Variants in DIP2C observed in about 807,000 individuals in gnomAD.
The protein encoded by DIP2C is DIP2 acetate--CoA ligase C (putative), also known as disco-interacting protein 2 homolog C.
In DIP2C, 33 loss-of-function variants were observed where a neutral mutation model predicts 192.4. The ratio of observed to expected loss-of-function variants is 0.17; its 90% CI spans 0.13 to 0.23. DIP2C has a LOEUF of 0.23. DIP2C is among the 10% of genes least tolerant of loss of function. The probability of loss-of-function intolerance (pLI) is 1.00; values close to 1 mark genes in which losing one functional copy is unlikely to be tolerated. For missense variants in DIP2C, 1,537 were observed against 2,110.1 expected (o/e 0.73, Z 5.32); for synonymous variants, 979 against 864.1 (o/e 1.13, Z -2.33).
intron 14 of DIP2C, 112 bp downstream of exon 14, chr10:387,633 A>C: frequency 1.5e-6 from 1 of 669,622 alleles, no homozygotes. Context: ...CAGTGTGGGG[A>C]GGGGACTCCT....
intron 29 of DIP2C, among the ~76,000 whole-genome samples, chr10:337,130 C>CTGTGTGTGTGTG (rs138944577): frequency 2.4e-5 from 2 of 83,058 alleles, no homozygotes; most frequent in Non-Finnish European, 4.2e-5. Flanking sequence ...GCCTAGGCAG[C>CTGTGTGTGTGTG]TGTGTGTGTG....
chr10:617,668 C>CACCCCT, intron 1 of DIP2C, among the ~76,000 whole-genome samples: 1 of 151,510 alleles, frequency 6.6e-6, no homozygotes, highest in Admixed American at 6.6e-5. Context: ...CCCCCACCCC[C>CACCCCT]ACCCCTGCTT....
At chr10:593,231 G>T (rs1221519902) in intron 1 of DIP2C, among the ~76,000 whole-genome samples, 1 of 152,000 alleles carries the variant, frequency 6.6e-6, no homozygotes, top group Non-Finnish European at 1.5e-5. Flanking sequence ...CCCCCGGGGT[G>T]GTCTCATCGT....
At chr10:349,156 CTG>C (rs1315294464) in intron 25 of DIP2C, among the ~76,000 whole-genome samples, 173 bp downstream of exon 25, 1 of 152,250 alleles carries the variant, frequency 6.6e-6, no homozygotes, top group Non-Finnish European at 1.5e-5. Context: ...CGGCTGGTGC[CTG>C]TGAGTGGTCG....
chr10:351,377 C>T (rs181088429), intron 24 of DIP2C, among the ~76,000 whole-genome samples: 23 of 152,284 alleles, frequency 1.5e-4, no homozygotes, highest in South Asian at 1.0e-3. Flanking sequence ...AGCCGATGAG[C>T]GCAGCGAGGT....
intron 30 of DIP2C, among the ~76,000 whole-genome samples, chr10:328,167 A>G (rs1473867861): frequency 6.6e-6 from 1 of 152,226 alleles, no homozygotes; most frequent in Non-Finnish European, 1.5e-5. Context: ...TGGCTTTGAC[A>G]TTCGTGCTCA....
At chr10:553,336 A>C (rs1848677875) in intron 1 of DIP2C, among the ~76,000 whole-genome samples, 1 of 152,136 alleles carries the variant, frequency 6.6e-6, no homozygotes, top group Non-Finnish European at 1.5e-5. Context: ...GCGCCTGGTC[A>C]CTCAAGAAGG....
At chr10:673,317 C>T (rs1221783108) in intron 1 of DIP2C, among the ~76,000 whole-genome samples, 3 of 152,216 alleles carry the variant, frequency 2.0e-5, no homozygotes, top group Non-Finnish European at 4.4e-5. Flanking sequence ...AACCCAGTCT[C>T]CTCATCTGTA....
intron 1 of DIP2C, among the ~76,000 whole-genome samples, chr10:596,146 G>A (rs897919342): frequency 4.6e-5 from 7 of 152,104 alleles, no homozygotes; most frequent in African/African-American, 1.4e-4. Flanking sequence ...AAAGCTGAAA[G>A]GTCACAGATA....
At chr10:598,973 T>C (rs955672332) in intron 1 of DIP2C, among the ~76,000 whole-genome samples, 1 of 152,228 alleles carries the variant, frequency 6.6e-6, no homozygotes, top group Non-Finnish European at 1.5e-5. Flanking sequence ...CATCGAGCCT[T>C]TGAGGCACAG....
intron 10 of DIP2C, among the ~76,000 whole-genome samples, chr10:391,769 C>T (rs1471534001): frequency 6.6e-6 from 1 of 152,192 alleles, no homozygotes; most frequent in East Asian, 1.9e-4. Flanking sequence ...ATTATGGACC[C>T]TACAAGGCCT....
chr10:643,549 C>G (rs1054777383), intron 1 of DIP2C, among the ~76,000 whole-genome samples: 1 of 152,148 alleles, frequency 6.6e-6, no homozygotes, highest in Non-Finnish European at 1.5e-5. Context: ...CACAGAAGCC[C>G]GTGGAACAAG....
intron 32 of DIP2C, among the ~76,000 whole-genome samples, chr10:308,680 C>T (rs899854162): frequency 1.3e-5 from 2 of 152,230 alleles, no homozygotes; most frequent in African/African-American, 4.8e-5. Context: ...TGGGGGCAGG[C>T]GTTGCCTCTG....
chr10:339,881 A>G (rs1733497940), intron 29 of DIP2C, among the ~76,000 whole-genome samples: 1 of 152,244 alleles, frequency 6.6e-6, no homozygotes, highest in African/African-American at 2.4e-5. Flanking sequence ...CACATTAAAA[A>G]TATTTGTTCC....
intron 29 of DIP2C, among the ~76,000 whole-genome samples, chr10:336,895 G>GCTGT (rs1554822383): frequency 1.1e-5 from 1 of 91,766 alleles, no homozygotes; most frequent in African/African-American, 3.4e-5. Context: ...GGCCTAGGCA[G>GCTGT]GTGTGTGTGT....
chr10:625,613 C>A (rs1187608702), intron 1 of DIP2C, among the ~76,000 whole-genome samples: 1 of 152,118 alleles, frequency 6.6e-6, no homozygotes, highest in African/African-American at 2.4e-5. Context: ...CAGAAAGTGA[C>A]CTCTAGCCTG....
At chr10:278,835 C>T (rs777281385) in intron 36 of DIP2C, among the ~76,000 whole-genome samples, 42 of 152,240 alleles carry the variant, frequency 2.8e-4, no homozygotes, top group Admixed American at 1.2e-3. Flanking sequence ...CTGACATTCA[C>T]AGAGCCTGGT....
intron 31 of DIP2C, among the ~76,000 whole-genome samples, chr10:313,946 T>C (rs1293919330): frequency 6.6e-6 from 1 of 152,204 alleles, no homozygotes; most frequent in East Asian, 1.9e-4. Context: ...CACAACCTGG[T>C]ACTTGCACAT....
chr10:426,003 G>T (rs1966575636), intron 4 of DIP2C, among the ~76,000 whole-genome samples: 1 of 152,156 alleles, frequency 6.6e-6, no homozygotes, highest in Admixed American at 6.5e-5. Flanking sequence ...TTATCTGGCA[G>T]GTTCTAGCTA....
Sources: allele counts gnomAD v4.1 joint callset (sites outside exome capture counted in the v4.1 genomes callset), GRCh38; gene constraint gnomAD v4.1.1; transcripts MANE v1.5; gene names NCBI Gene and HGNC (gene_info 2026-07-23, HGNC 2026-07-21).